Variants in RFX7 observed in about 807,000 individuals in gnomAD.
RFX7 encodes the protein regulatory factor X7, also known as DNA-binding protein RFX7.
RFX7 carries 26 observed loss-of-function variants against 111.8 expected under a neutral mutation model. That is an observed-to-expected ratio of 0.23 (90% CI 0.17 to 0.32). The LOEUF (loss-of-function observed/expected upper bound fraction) is 0.32. Among genes scored for constraint, RFX7 ranks in the 10% least tolerant of loss-of-function variants. The pLI, the probability that RFX7 is intolerant of heterozygous loss-of-function variation, is 1.00. For synonymous variants in RFX7, 624 were observed against 624.4 expected, an observed-to-expected ratio of 1.00 and a Z score of 0.01; for missense variants, 1,573 against 1,772.9, an observed-to-expected ratio of 0.89 and a Z score of 2.02.
chr15:56,154,763 A>G (rs1338923450), intron 3 of RFX7, among the ~76,000 whole-genome samples: 1 of 152,234 alleles, frequency 6.6e-6, no homozygotes, highest in Non-Finnish European at 1.5e-5. Context: ...ATGGCAACAA[A>G]AGCCAGAATT....
At chr15:56,212,001 G>C (rs1258920579) in intron 2 of RFX7, among the ~76,000 whole-genome samples, 1 of 151,978 alleles carries the variant, frequency 6.6e-6, no homozygotes, top group Non-Finnish European at 1.5e-5. Context: ...CCCAGCAATT[G>C]CACTTCATGA....
At chr15:56,218,323 G>T (rs1294794444) in intron 2 of RFX7, among the ~76,000 whole-genome samples, 1 of 151,362 alleles carries the variant, frequency 6.6e-6, no homozygotes, top group East Asian at 1.9e-4. Flanking sequence ...GTAGAGATGG[G>T]GTTACACCAC....
intron 5 of RFX7, among the ~76,000 whole-genome samples, chr15:56,116,254 G>A (rs185899053): frequency 5.6e-4 from 86 of 152,290 alleles, no homozygotes; most frequent in South Asian, 3.5e-3. Context: ...ATACCATTTC[G>A]TAGATGAGAA....
At chr15:56,146,782 A>G (rs1289859448) in intron 3 of RFX7, among the ~76,000 whole-genome samples, 1 of 152,226 alleles carries the variant, frequency 6.6e-6, no homozygotes, top group African/African-American at 2.4e-5. Flanking sequence ...TTTCATTGCC[A>G]TATGGGGTAC....
intron 5 of RFX7, among the ~76,000 whole-genome samples, chr15:56,134,161 C>T (rs551099531): frequency 2.0e-5 from 3 of 152,150 alleles, no homozygotes; most frequent in African/African-American, 7.2e-5. Context: ...GAGTTCTAGT[C>T]TTAGATCTGC....
chr15:56,146,298 A>G (rs915535599), intron 3 of RFX7, among the ~76,000 whole-genome samples: 17 of 152,098 alleles, frequency 1.1e-4, no homozygotes, highest in African/African-American at 3.4e-4. Flanking sequence ...TTGTTGCTAC[A>G]AAATTGTTGC....
Position 56,127,578 on chromosome 15 carries a change from C to T in RFX7, c.401+15200G>A, listed in dbSNP as rs1237197555. Among the ~76,000 whole-genome samples, 8 of 144,468 alleles carry T rather than the reference C, an allele frequency of 5.5e-5. No individual in the cohort carries two copies. In the South Asian group the frequency reaches 6.7e-4, roughly 12 times the overall value. The allele number at this position is 144,468 out of a possible 152,430, so 94.8% of individuals were successfully genotyped here. A position where few individuals can be genotyped will look rare whatever the true frequency, so the allele number is the denominator to read the frequency against. On this transcript the variant is annotated intron_variant, in intron 5 of 9. Transcript: ENST00000559447. Reference sequence around the variant, plus strand: ...TTTTTTTTTTTTTGAGACGGAGTTTCGCTCTGTCGCCCAGGCTGGAGTGCA... The same window carrying T: ...TTTTTTTTTTTTTGAGACGGAGTTTTGCTCTGTCGCCCAGGCTGGAGTGCA...
rs1324365095 is a variant in RFX7 at position 56,093,524 on chromosome 15, G to T, written c.4204C>A (p.Pro1402Thr). Reference protein sequence around the residue: ...GSINDLNTLDPNLLFDPGRQQ... With the variant: ...GSINDLNTLDTNLLFDPGRQQ... Reference sequence around the variant, plus strand: ...CGACCTGGATCAAACAGTAGATTTGGGTCTAAAGTGTTCAAATCATTGATG... The same window carrying T: ...CGACCTGGATCAAACAGTAGATTTGTGTCTAAAGTGTTCAAATCATTGATG... Residue 1402 changes from proline (P) to threonine (T), a missense_variant, in exon 10 of 10, where the codon CCA becomes ACA. Around this residue, in one of 7 missense-constraint regions of RFX7, gnomAD observed 411 missense variants for 478.1 expected, o/e 0.86. Coordinates refer to ENST00000559447, the MANE Select transcript of RFX7 (RefSeq NM_022841.7). The T allele has an allele frequency of 6.2e-7, 1 of 1,613,680 alleles. No individual in the cohort carries two copies. The highest frequency in any genetic ancestry group is 1.3e-5 in the African/African-American group (1 of 74,894).
rs371489737 is a variant in RFX7 at position 56,096,174 on chromosome 15, C to T, written c.1554G>A (p.Ser518=). Residue 518 remains serine (S), a synonymous_variant, in exon 10 of 10, where the codon TCG becomes TCA. Transcript: ENST00000559447. ...VPQIKNGSVV[S]LQSPGSRSSS... ...TGCTCCTGGACCCAGGAGACTGAAG[C>T]GACACGACAGAACCATTCTTGATCT... is the stretch of plus-strand genomic sequence containing the variant. The T allele has an allele frequency of 3.1e-4, 508 of 1,613,866 alleles. No individual in the cohort carries two copies. The highest frequency in any genetic ancestry group is 4.7e-4 in the East Asian group (21 of 44,868).
chr15:56,094,399 T>C lies in RFX7; in HGVS notation c.3329A>G (p.Gln1110Arg). Residue 1110 changes from glutamine to arginine, a missense_variant, in exon 10 of 10, where the codon CAA becomes CGA. Transcript: ENST00000559447. Reference sequence around the variant, plus strand: ...AAAATGAGTGTCATGATGTCTGGATTGAGACTGATAAGACTGTCCAGGCAC... The same window carrying C: ...AAAATGAGTGTCATGATGTCTGGATCGAGACTGATAAGACTGTCCAGGCAC... ...FAVPGQSYQS[Q>R]SRHHDTHFGR... 6.2e-7 allele frequency: 1 copy of C among 1,613,914 alleles called. No individual in the cohort carries two copies. The highest frequency in any genetic ancestry group is 8.5e-7 in the Non-Finnish European group (1 of 1,179,864).
chr15:56,115,247 G>A (rs1172721467), intron 5 of RFX7, among the ~76,000 whole-genome samples: 1 of 152,138 alleles, frequency 6.6e-6, no homozygotes, highest in South Asian at 2.1e-4. Flanking sequence ...CCTGACCTCA[G>A]GTGATCTGCC....
At chr15:56,214,328 T>TA (rs34389995) in intron 2 of RFX7, among the ~76,000 whole-genome samples, 19,824 of 152,154 alleles carry the variant, frequency 0.13, 1,699 homozygotes, top group East Asian at 0.44. Flanking sequence ...TATTAAGAAA[T>TA]AAAAAATCTG....
chr15:56,175,061 T>C (rs2042889318), intron 3 of RFX7, among the ~76,000 whole-genome samples: 1 of 152,084 alleles, frequency 6.6e-6, no homozygotes. Context: ...ATTGAGTGGG[T>C]AGAAAATCCT....
rs1210142321 is a variant in RFX7 at position 56,114,421 on chromosome 15, A to T, written c.402-10751T>A. On this transcript the variant is annotated intron_variant, in intron 5 of 9. Transcript: ENST00000559447. ...GTGAGATTCTGTCTCCAAAAAAAAA[A>T]AAAAAACAAACAACAACAACAAAAA... is the stretch of plus-strand genomic sequence containing the variant. 1.1e-3 allele frequency among the ~76,000 whole-genome samples: 159 copies of T among 151,084 alleles called. 1 individual carries two copies. Among genetic ancestry groups the T allele is most frequent in the African/African-American group, 3.7e-3 (152 of 41,348 alleles).
At chr15:56,219,579 A>G (rs1235649598) in intron 2 of RFX7, among the ~76,000 whole-genome samples, 2 of 152,054 alleles carry the variant, frequency 1.3e-5, no homozygotes, top group Non-Finnish European at 2.9e-5. Context: ...TGTGTTCTCA[A>G]TGTTTAGCTC....
Position 56,087,837 on chromosome 15 carries a change from TAAAA to T in RFX7, c.*5504_*5507del. ...ATATTTTAGGCACTTTATCATCTGT[TAAAA>T]AAAAAGTCCCATTTTTATTTTGATG... On this transcript the variant is annotated 3_prime_UTR_variant, in exon 10 of 10. Transcript: ENST00000559447. The T allele has an allele frequency of 3.5e-6, 1 of 286,800 alleles. No individual in the cohort carries two copies. Among genetic ancestry groups the T allele is most frequent in the South Asian group, 3.3e-5 (1 of 30,708 alleles). 17.8% of individuals were successfully genotyped at this position (286,800 alleles called of 1,614,324 possible).
chr15:56,181,208 C>G (rs1170044562), intron 2 of RFX7, among the ~76,000 whole-genome samples: 1 of 152,222 alleles, frequency 6.6e-6, no homozygotes, highest in Non-Finnish European at 1.5e-5. Context: ...AGGCAGCCTC[C>G]GTGATAGCTC....
intron 5 of RFX7, among the ~76,000 whole-genome samples, chr15:56,138,260 G>A (rs1219143631): frequency 5.0e-5 from 7 of 139,414 alleles, no homozygotes; most frequent in Non-Finnish European, 6.2e-5. Context: ...AAGTCTCTTT[G>A]TAGGTCACTC....
At chr15:56,158,114 C>T (rs1325271811) in intron 3 of RFX7, among the ~76,000 whole-genome samples, 2 of 152,040 alleles carry the variant, frequency 1.3e-5, no homozygotes, top group Admixed American at 6.6e-5. Flanking sequence ...AAGGATATGA[C>T]ATATATATAA....
Sources: allele counts gnomAD v4.1 joint callset (sites outside exome capture counted in the v4.1 genomes callset), GRCh38; gene constraint gnomAD v4.1.1; regional missense constraint gnomAD v4.1.1; transcripts MANE v1.5; gene names NCBI Gene and HGNC (gene_info 2026-07-23, HGNC 2026-07-21).